The following FYN variants were observed in gnomAD, a reference collection of about 807,000 sequenced individuals.
The protein encoded by FYN is FYN proto-oncogene, Src family tyrosine kinase, also known as tyrosine-protein kinase Fyn.
FYN carries 10 observed loss-of-function variants against 70.2 expected under a neutral mutation model. The ratio of observed to expected loss-of-function variants is 0.14; its 90% CI spans 0.09 to 0.24. The LOEUF (loss-of-function observed/expected upper bound fraction) is 0.24, where lower values mean the gene tolerates loss of function less well. Ranked by LOEUF, FYN falls within the 10% of genes least tolerant of loss-of-function variation. FYN has a pLI of 1.00. For synonymous variants in FYN, 236 were observed against 248.6 expected (o/e 0.95, Z 0.48); for missense variants, 319 against 673.1 (o/e 0.47, Z 5.82).
intron 2 of FYN, among the ~76,000 whole-genome samples, chr6:111,843,339 A>G (rs1038013600): frequency 6.6e-6 from 1 of 152,216 alleles, no homozygotes; most frequent in African/African-American, 2.4e-5. Flanking sequence ...CAAAAAGCAC[A>G]TTTTTGTTCT....
chr6:111,679,368 T>C (rs1228002091), intron 12 of FYN, among the ~76,000 whole-genome samples: 1 of 152,172 alleles, frequency 6.6e-6, no homozygotes, highest in Non-Finnish European at 1.5e-5. Context: ...ACGAAGCTGT[T>C]ATTATTAAAG....
chr6:111,705,063 T>A (rs706866), intron 6 of FYN, among the ~76,000 whole-genome samples: 12,800 of 151,972 alleles, frequency 0.084, 1,700 homozygotes, highest in African/African-American at 0.28. Flanking sequence ...CTCTGTCTCA[T>A]AACAAAAAAT....
intron 1 of FYN, among the ~76,000 whole-genome samples, chr6:111,863,429 T>C (rs1334568196): frequency 6.6e-6 from 1 of 152,210 alleles, no homozygotes; most frequent in African/African-American, 2.4e-5. Context: ...GACATTTGTG[T>C]GGAAATGAAG....
Position 111,700,241 on chromosome 6 carries a change from A to G in FYN, c.725T>C (p.Leu242Pro). 1 of 1,614,098 alleles carries G rather than the reference A, an allele frequency of 6.2e-7. No individual in the cohort carries two copies. The stretch of plus-strand genomic sequence containing the variant: ...CATCCCTTTGTGACAGGGAACTACT[A>G]GGCGGCAGCAGAGACCTGCAGCTCT... The part of the protein sequence containing the change: ...SERAAGLCCR[L>P]VVPCHKGMPR... The change falls in exon 9 of 14, where the codon CTA (leucine) becomes CCA (proline). Residue 242 changes from leucine to proline, a missense_variant. Around this residue, in one of 4 missense-constraint regions of FYN, gnomAD observed 112 missense variants for 250.2 expected, o/e 0.45. Coordinates refer to ENST00000354650, the MANE Select transcript of FYN (RefSeq NM_002037.5).
intron 2 of FYN, among the ~76,000 whole-genome samples, chr6:111,791,196 G>T (rs1483895082): frequency 6.6e-6 from 1 of 152,134 alleles, no homozygotes; most frequent in African/African-American, 2.4e-5. Context: ...TGACATTTGT[G>T]CAAGGCCAAA....
At chr6:111,774,744 A>G (rs1165546659) in intron 3 of FYN, among the ~76,000 whole-genome samples, 5 of 151,966 alleles carry the variant, frequency 3.3e-5, no homozygotes, top group African/African-American at 1.2e-4. Flanking sequence ...TTTGAGATGC[A>G]GTCTCACTCT....
intron 3 of FYN, among the ~76,000 whole-genome samples, chr6:111,765,792 A>G (rs1365705149): frequency 6.7e-6 from 1 of 149,904 alleles, no homozygotes; most frequent in African/African-American, 2.5e-5. Flanking sequence ...AAAAAAAAAG[A>G]TCCTTGCAGC....
At chr6:111,734,694 G>C (rs974331245) in intron 3 of FYN, among the ~76,000 whole-genome samples, 4 of 151,898 alleles carry the variant, frequency 2.6e-5, no homozygotes, top group Non-Finnish European at 5.9e-5. Flanking sequence ...ATGAAGAAAC[G>C]ACCCCCCCTA....
At chr6:111,742,152 CTTGT>C (rs1802006159) in intron 3 of FYN, among the ~76,000 whole-genome samples, 1 of 152,156 alleles carries the variant, frequency 6.6e-6, no homozygotes, top group Non-Finnish European at 1.5e-5. Context: ...CTACATTTTA[CTTGT>C]TTGTTTAATC....
chr6:111,836,263 C>A (rs184839955), intron 2 of FYN, among the ~76,000 whole-genome samples: 2 of 151,996 alleles, frequency 1.3e-5, no homozygotes. Context: ...TAGGAGATGG[C>A]GATATGACGG....
At position 111,694,876 on chromosome 6, in the gene FYN, A is replaced by G. The variant is rs376029302; in HGVS notation, c.1043-172T>C. On this transcript the variant is annotated intron_variant, in intron 10 of 13. Coordinates refer to ENST00000354650, the MANE Select transcript of FYN (RefSeq NM_002037.5). The surrounding 1 kb of genome is among the most constrained non-coding windows in gnomAD (Gnocchi z 5.0). ...AAGCAGGGTAGAAAAAAGTATAGGC[A>G]TGGAGAAGTAACAGTTACCTTTTAA... Among the ~76,000 whole-genome samples, 72 of 152,370 alleles carry G rather than the reference A, an allele frequency of 4.7e-4. No homozygotes were observed. The highest frequency in any genetic ancestry group is 1.7e-3 in the African/African-American group (69 of 41,588).
chr6:111,822,336 T>C (rs981133814), intron 2 of FYN, among the ~76,000 whole-genome samples: 4 of 152,162 alleles, frequency 2.6e-5, no homozygotes, highest in African/African-American at 4.8e-5. Context: ...TGTAGGGACA[T>C]GGATGAAGCT....
chr6:111,671,054 C>T (rs908846559), intron 13 of FYN, among the ~76,000 whole-genome samples: 1 of 152,222 alleles, frequency 6.6e-6, no homozygotes, highest in Non-Finnish European at 1.5e-5. Flanking sequence ...TAGCGGGGAA[C>T]TGATGGAGCT....
intron 3 of FYN, among the ~76,000 whole-genome samples, chr6:111,734,328 G>A (rs879900297): frequency 1.3e-4 from 20 of 152,178 alleles, no homozygotes; most frequent in African/African-American, 4.6e-4. Context: ...GATGACCCCT[G>A]CTGTGCCAGA....
At chr6:111,757,184 T>C (rs1802776087) in intron 3 of FYN, among the ~76,000 whole-genome samples, 1 of 152,212 alleles carries the variant, frequency 6.6e-6, no homozygotes, top group South Asian at 2.1e-4. Flanking sequence ...AAAAATTTTA[T>C]TTCTATCCAC....
At chr6:111,855,549 T>A (rs1382935662) in intron 1 of FYN, among the ~76,000 whole-genome samples, 1 of 152,198 alleles carries the variant, frequency 6.6e-6, no homozygotes, top group African/African-American at 2.4e-5. Flanking sequence ...AAACTTTTTG[T>A]GACAAAGCCA....
chr6:111,679,923 C>A (rs772493023), intron 12 of FYN, among the ~76,000 whole-genome samples: 43 of 152,090 alleles, frequency 2.8e-4, no homozygotes, highest in African/African-American at 1.0e-3. Flanking sequence ...AGCAGAAAGA[C>A]GAGGTGGCAA....
At chr6:111,717,981 G>A (rs957334706) in intron 4 of FYN, among the ~76,000 whole-genome samples, 3 of 152,198 alleles carry the variant, frequency 2.0e-5, no homozygotes, top group African/African-American at 7.2e-5. Context: ...AGATTTCTTT[G>A]AAAGGTAAGA....
At chr6:111,699,416 G>C (rs1799728533) in intron 9 of FYN, 5 of 1,283,380 alleles carry the variant, frequency 3.9e-6, no homozygotes, top group Non-Finnish European at 5.5e-6. Flanking sequence ...TCCAGGTTAA[G>C]TGTCTTTGTC....
Sources: allele counts gnomAD v4.1 joint callset (sites outside exome capture counted in the v4.1 genomes callset), GRCh38; gene constraint gnomAD v4.1.1; regional missense constraint gnomAD v4.1.1; non-coding constraint Gnocchi (gnomAD v3.1); transcripts MANE v1.5; gene names NCBI Gene and HGNC (gene_info 2026-07-23, HGNC 2026-07-21).